Variants in NAA25 observed in about 807,000 individuals in gnomAD.
NAA25 encodes the protein N-alpha-acetyltransferase 25, NatB auxiliary subunit.
A neutral mutation model predicts 132.5 loss-of-function variants in NAA25; 30 were observed. The observed-to-expected ratio is 0.23, with a 90% CI of 0.17 to 0.31. The LOEUF is 0.31. Among genes scored for constraint, NAA25 ranks in the 10% least tolerant of loss-of-function variants. NAA25 has a pLI of 1.00. For synonymous variants in NAA25, 359 were observed against 401.9 expected (o/e 0.89, Z 1.28); for missense variants, 771 against 1,150.4 (o/e 0.67, Z 4.77).
rs538901605 is a variant in NAA25, at chr12:112,090,954, G to A, written c.145-90C>T. 6.2e-6 allele frequency: 8 copies of A among 1,288,080 alleles called. No individual in the cohort carries two copies. The East Asian group carries it at 1.2e-4, about 19-fold the overall frequency. 79.8% of individuals were successfully genotyped at this position (1,288,080 alleles called of 1,614,324 possible). On this transcript the variant is annotated intron_variant, in intron 2 of 23. Transcript: ENST00000261745. The stretch of plus-strand genomic sequence containing the variant: ...GCCGATCTGAAAGAACAAGTATTAA[G>A]TTATGCCTAGGTTGCTGATATACTA...
chr12:112,066,096 A>C (rs1046555188), intron 11 of NAA25, among the ~76,000 whole-genome samples: 4 of 152,212 alleles, frequency 2.6e-5, no homozygotes, highest in African/African-American at 9.7e-5. Flanking sequence ...GACGATTCTT[A>C]CTATGTGGGA....
chr12:112,046,088 G>A (rs1028390287), intron 17 of NAA25, among the ~76,000 whole-genome samples: 2 of 152,198 alleles, frequency 1.3e-5, no homozygotes, highest in Admixed American at 6.5e-5. Flanking sequence ...CACTCCAACT[G>A]TTCCCTAAAA....
At chr12:112,037,271 A>AAT (rs1555231751) in intron 22 of NAA25, among the ~76,000 whole-genome samples, 1 of 75,530 alleles carries the variant, frequency 1.3e-5, no homozygotes, top group Non-Finnish European at 2.6e-5. Flanking sequence ...TATTTTAAAA[A>AAT]ATACATATAT....
intron 4 of NAA25, among the ~76,000 whole-genome samples, chr12:112,085,233 C>T (rs1049158443): frequency 6.6e-6 from 1 of 150,766 alleles, no homozygotes; most frequent in African/African-American, 2.4e-5. Context: ...ATATCACACA[C>T]ACAAAAAAAT....
At chr12:112,107,473 A>T (rs2079379716) in intron 1 of NAA25, among the ~76,000 whole-genome samples, 1 of 152,032 alleles carries the variant, frequency 6.6e-6, no homozygotes, top group African/African-American at 2.4e-5. Flanking sequence ...TATATTAGAT[A>T]ACCCATATAA....
intron 13 of NAA25, among the ~76,000 whole-genome samples, chr12:112,059,451 G>C: frequency 6.6e-6 from 1 of 152,148 alleles, no homozygotes; most frequent in East Asian, 1.9e-4. Context: ...GAAAATGTCA[G>C]GGGGTGGGAC....
In NAA25 at chr12:112,028,020, G is replaced by C. The variant is rs1294230729; in HGVS notation, c.*1511C>G. 1 of 152,102 alleles carries C rather than the reference G, an allele frequency of 6.6e-6. No individual in the cohort carries two copies. Among genetic ancestry groups the C allele is most frequent in the Non-Finnish European group, 1.5e-5 (1 of 68,022 alleles). 9.4% of individuals were successfully genotyped at this position (152,102 alleles called of 1,614,324 possible). On this transcript the variant is annotated 3_prime_UTR_variant, in exon 24 of 24. Transcript: ENST00000261745. ...TGTAGTAATTGTTTAAAATTTCCTT[G>C]GAAGTTTAAGCACTGTATCAAATTA...
At chr12:112,056,191 G>T (rs145161401) in intron 13 of NAA25, among the ~76,000 whole-genome samples, 1 of 151,908 alleles carries the variant, frequency 6.6e-6, no homozygotes, top group Non-Finnish European at 1.5e-5. Context: ...AAAATTAGCC[G>T]GGCGTGGTGG....
intron 1 of NAA25, among the ~76,000 whole-genome samples, chr12:112,108,355 C>A (rs1322389754): frequency 6.6e-6 from 1 of 152,270 alleles, no homozygotes; most frequent in African/African-American, 2.4e-5. Flanking sequence ...GTCCCACCCT[C>A]GTGCCGGAGC....
chr12:112,086,801 C>T (rs1352337284), intron 4 of NAA25, among the ~76,000 whole-genome samples: 1 of 151,808 alleles, frequency 6.6e-6, no homozygotes, highest in African/African-American at 2.4e-5. Context: ...CACCTGAGGT[C>T]GGGAGTTTGA....
chr12:112,047,617 A>C (rs745504054), intron 17 of NAA25, 48 bp downstream of exon 17: 44 of 1,598,084 alleles, frequency 2.8e-5, no homozygotes, highest in Non-Finnish European at 3.7e-5. Context: ...AAAAAAACAA[A>C]AAACAAACAA....
At chr12:112,084,127 A>C (rs2079010487) in intron 4 of NAA25, among the ~76,000 whole-genome samples, 2 of 152,218 alleles carry the variant, frequency 1.3e-5, no homozygotes, top group African/African-American at 4.8e-5. Flanking sequence ...CAGAATGAGA[A>C]TGTCATTTAC....
chr12:112,029,660 A>G lies in NAA25; in HGVS notation c.2797-7T>C, dbSNP rs752012665. 1 of 1,610,992 alleles carries G rather than the reference A, an allele frequency of 6.2e-7. No homozygotes were observed. Among genetic ancestry groups the G allele is most frequent in the Non-Finnish European group, 8.5e-7 (1 of 1,179,316 alleles). The stretch of plus-strand genomic sequence containing the variant: ...TTGAAAATTTTCTCTCTTCCTATAA[A>G]GGAGGAGACAAGAATAATTAGTCTT... On this transcript the variant is annotated splice_region_variant and splice_polypyrimidine_tract_variant and intron_variant, in intron 23 of 23. Coordinates refer to ENST00000261745, the MANE Select transcript of NAA25 (RefSeq NM_024953.4).
Position 112,042,080 on chromosome 12 carries a change from C to A in NAA25, c.2399G>T (p.Arg800Leu). The change falls in exon 20 of 24, where the codon CGA becomes CTA. Residue 800 changes from arginine to leucine, a missense_variant. Arg to Leu is a moderately radical substitution (Grantham distance 102). This residue lies in a region of NAA25 where 324 missense variants were observed against 400.0 expected (regional missense o/e 0.81). Transcript: ENST00000261745. ...TAAAGACTTAAAACTATTTTCTATT[C>A]GTTCCTGAATCTCCATTGTATCCTC... Reference protein sequence around the residue: ...GLEDTMEIQERIENSFKSLLD... With the variant: ...GLEDTMEIQELIENSFKSLLD... 1 of 1,485,738 alleles carries A rather than the reference C, an allele frequency of 6.7e-7. No individual in the cohort carries two copies. The highest frequency in any genetic ancestry group is 8.9e-7 in the Non-Finnish European group (1 of 1,119,790). 92.0% of individuals were successfully genotyped at this position (1,485,738 alleles called of 1,614,324 possible).
At chr12:112,091,214 A>G (rs2079124071) in intron 2 of NAA25, among the ~76,000 whole-genome samples, 1 of 151,698 alleles carries the variant, frequency 6.6e-6, no homozygotes, top group Non-Finnish European at 1.5e-5. Context: ...ACAGCACTCC[A>G]GCGTGGGTGA....
chr12:112,081,042 T>A lies in NAA25; in HGVS notation c.477+18A>T. On this transcript the variant is annotated intron_variant, in intron 5 of 23. Coordinates refer to ENST00000261745, the MANE Select transcript of NAA25 (RefSeq NM_024953.4). ...AAATAAAACCAAACCTCAATCCCAT[T>A]CTGAATGCCATACTCACTTGCATAA... 6.3e-7 allele frequency: 1 copy of A among 1,594,580 alleles called. No individual in the cohort carries two copies. The highest frequency in any genetic ancestry group is 8.6e-7 in the Non-Finnish European group (1 of 1,162,958).
intron 1 of NAA25, among the ~76,000 whole-genome samples, chr12:112,095,516 G>T (rs898246357): frequency 1.3e-5 from 2 of 151,044 alleles, no homozygotes; most frequent in African/African-American, 4.9e-5. Context: ...GTCTGCTTGA[G>T]CTTGGGAGGT....
rs1200812303 is a variant in NAA25 at position 112,027,905 on chromosome 12, T to C, written c.*1626A>G. 2.0e-5 allele frequency: 3 copies of C among 152,262 alleles called. No individual in the cohort carries two copies. The highest frequency in any genetic ancestry group is 2.4e-5 in the African/African-American group (1 of 41,472). The allele number at this position is 152,262 out of a possible 1,614,324, so 9.4% of individuals were successfully genotyped here. ...GTTCTTCCTTTTGGGATAGGGTATA[T>C]GACCAGCTGTTGCTACTCATATCAA... On this transcript the variant is annotated 3_prime_UTR_variant, in exon 24 of 24. Coordinates refer to ENST00000261745, the MANE Select transcript of NAA25 (RefSeq NM_024953.4).
In NAA25 at chr12:112,043,082, A is replaced by T; in HGVS notation, c.2374+6T>A. 6.2e-7 allele frequency: 1 copy of T among 1,607,682 alleles called. No homozygotes were observed. On this transcript the variant is annotated splice_donor_region_variant and intron_variant, in intron 19 of 23. Transcript: ENST00000261745. ...AAGACCCTATAAACACACAGTGTACACTTACCTAAACCACTGGTATCCAGC... is the reference window on the plus strand; with the variant it reads ...AAGACCCTATAAACACACAGTGTACTCTTACCTAAACCACTGGTATCCAGC...
Sources: allele counts gnomAD v4.1 joint callset (sites outside exome capture counted in the v4.1 genomes callset), GRCh38; gene constraint gnomAD v4.1.1; regional missense constraint gnomAD v4.1.1; transcripts MANE v1.5; gene names NCBI Gene and HGNC (gene_info 2026-07-23, HGNC 2026-07-21).